Variants in ZNF652 observed in about 807,000 individuals in gnomAD.
ZNF652 encodes zinc finger protein 652.
Under a neutral mutation model 45.2 loss-of-function variants are expected in ZNF652, and 16 were observed. The observed-to-expected ratio is 0.35, with a 90% CI of 0.24 to 0.54. The LOEUF is 0.54. ZNF652 is among the 20% of genes least tolerant of loss of function. The pLI is 0.91. For synonymous variants in ZNF652, 250 were observed against 260.6 expected, an observed-to-expected ratio of 0.96 and a Z score of 0.39; for missense variants, 614 against 765.6, an observed-to-expected ratio of 0.80 and a Z score of 2.34.
rs2069388663 is a variant in ZNF652, at chr17:49,290,368, C to T, written c.*8045G>A. 6.6e-6 allele frequency: 1 copy of T among 151,962 alleles called. No individual in the cohort carries two copies. Among genetic ancestry groups the T allele is most frequent in the Admixed American group, 6.6e-5 (1 of 15,256 alleles). The allele number at this position is 151,962 out of a possible 1,614,324, so 9.4% of individuals were successfully genotyped here. ...ATGACCACGGATAGGAGCCCTTAGA[C>T]AAGTAACTGACAGAGAGGGAGCACA... On this transcript the variant is annotated 3_prime_UTR_variant, in exon 6 of 6. Coordinates refer to ENST00000430262, the MANE Select transcript of ZNF652 (RefSeq NM_001145365.3).
intron 1 of ZNF652, among the ~76,000 whole-genome samples, chr17:49,336,949 T>G (rs1362363488): frequency 8.4e-6 from 1 of 118,860 alleles, no homozygotes; most frequent in Non-Finnish European, 1.9e-5. Flanking sequence ...GGTGTTTTTT[T>G]TTTTTTTTTT....
chr17:49,323,842 T>C (rs1184987578), intron 1 of ZNF652, among the ~76,000 whole-genome samples: 1 of 152,228 alleles, frequency 6.6e-6, no homozygotes, highest in African/African-American at 2.4e-5. Context: ...TAAACCACGC[T>C]ATAAACAGAT....
Position 49,289,928 on chromosome 17 carries a change from C to G in ZNF652, c.*8485G>C, listed in dbSNP as rs147138179. ...CAAATATTCAACATTCAACAACAAG[C>G]TTTGTAAACCTAACGCTAAACAAGT... On this transcript the variant is annotated 3_prime_UTR_variant, in exon 6 of 6. Transcript: ENST00000430262. 3.9e-5 allele frequency: 6 copies of G among 152,356 alleles called. No homozygotes were observed. The highest frequency in any genetic ancestry group is 1.4e-4 in the African/African-American group (6 of 41,576). The allele number at this position is 152,356 out of a possible 1,614,324, so 9.4% of individuals were successfully genotyped here.
intron 3 of ZNF652, 149 bp downstream of exon 3, chr17:49,312,549 G>T: frequency 2.7e-6 from 2 of 748,924 alleles, no homozygotes; most frequent in Non-Finnish European, 4.2e-6. Flanking sequence ...CATCCAATTT[G>T]GTGATACTTA....
chr17:49,329,771 A>C (rs1476326253), intron 1 of ZNF652, among the ~76,000 whole-genome samples: 1 of 152,226 alleles, frequency 6.6e-6, no homozygotes, highest in Non-Finnish European at 1.5e-5. Context: ...ACAATATGCA[A>C]GTGCAACTAG....
At chr17:49,314,364 G>T (rs1157799757) in intron 2 of ZNF652, among the ~76,000 whole-genome samples, 1 of 152,038 alleles carries the variant, frequency 6.6e-6, no homozygotes, top group Non-Finnish European at 1.5e-5. Context: ...GTTTCACTAT[G>T]TTGGCCAGGC....
At chr17:49,320,781 A>C (rs1406979100) in intron 1 of ZNF652, among the ~76,000 whole-genome samples, 3 of 152,258 alleles carry the variant, frequency 2.0e-5, no homozygotes, top group Non-Finnish European at 4.4e-5. Context: ...TCAGAAAGTC[A>C]AAGAAAAGAA....
chr17:49,361,556 G>C (rs1459291100), intron 1 of ZNF652, among the ~76,000 whole-genome samples: 1 of 152,210 alleles, frequency 6.6e-6, no homozygotes, highest in African/African-American at 2.4e-5. Context: ...GCTCGCAGGA[G>C]GACCGGTGCA....
intron 1 of ZNF652, among the ~76,000 whole-genome samples, chr17:49,352,007 C>A (rs2070287938): frequency 6.6e-6 from 1 of 152,034 alleles, no homozygotes. Context: ...AACAAAAAAA[C>A]AAACAAAAAG....
At chr17:49,288,207 A>T (rs2069361717), downstream of ZNF652, 1 of 152,114 alleles carries the variant, frequency 6.6e-6, no homozygotes, top group Non-Finnish European at 1.5e-5. Context: ...ATTTCTTGCT[A>T]TGGGGTCATG....
At chr17:49,333,545 TAAAAAAA>T (rs1182199037) in intron 1 of ZNF652, among the ~76,000 whole-genome samples, 6 of 48,108 alleles carry the variant, frequency 1.2e-4, no homozygotes, top group South Asian at 6.1e-4. Context: ...CTGTCTCTAC[TAAAAAAA>T]AAAAAAAAAA....
chr17:49,307,317 G>T (rs1053016353), intron 5 of ZNF652, among the ~76,000 whole-genome samples: 2 of 150,964 alleles, frequency 1.3e-5, no homozygotes, highest in Non-Finnish European at 2.9e-5. Context: ...TGTAATCCCA[G>T]CTACTTGAGA....
At position 49,330,667 on chromosome 17, in the gene ZNF652, A is replaced by G. The variant is rs75464027; in HGVS notation, c.-258-12684T>C. On this transcript the variant is annotated intron_variant, in intron 1 of 5. Transcript: ENST00000430262. Reference sequence around the variant, plus strand: ...AGCCACCACACCTGGCCAAAATACAATTAATAAATGGAGTAGTCCATTTTT... The same window carrying G: ...AGCCACCACACCTGGCCAAAATACAGTTAATAAATGGAGTAGTCCATTTTT... Among the ~76,000 whole-genome samples, 821 of 152,150 alleles carry G rather than the reference A, an allele frequency of 5.4e-3. 10 individuals carry two copies. The highest frequency in any genetic ancestry group is 0.019 in the African/African-American group (789 of 41,512).
intron 1 of ZNF652, among the ~76,000 whole-genome samples, chr17:49,357,194 G>A (rs1355768379): frequency 6.6e-6 from 1 of 152,018 alleles, no homozygotes; most frequent in African/African-American, 2.4e-5. Context: ...AGCTACTTGG[G>A]AGGCTGAGGC....
At chr17:49,305,876 C>T (rs1465720973) in intron 5 of ZNF652, among the ~76,000 whole-genome samples, 1 of 152,194 alleles carries the variant, frequency 6.6e-6, no homozygotes, top group Admixed American at 6.5e-5. Context: ...TCTTTAACTG[C>T]AAAGAAACAG....
At chr17:49,304,907 T>C (rs2069607890) in intron 5 of ZNF652, among the ~76,000 whole-genome samples, 1 of 143,746 alleles carries the variant, frequency 7.0e-6, no homozygotes, top group Non-Finnish European at 1.5e-5. Context: ...CACACACACA[T>C]ACATATATAC....
chr17:49,316,691 A>G (rs890587239), intron 2 of ZNF652, 135 bp downstream of exon 2: 2 of 957,120 alleles, frequency 2.1e-6, no homozygotes, highest in East Asian at 2.6e-5. Flanking sequence ...CCAAAGCAGG[A>G]GCTTTTCAAA....
intron 1 of ZNF652, among the ~76,000 whole-genome samples, chr17:49,327,730 AATATATATATATATAT>A (rs68056731): frequency 1.5e-4 from 9 of 61,424 alleles, no homozygotes; most frequent in East Asian, 9.8e-4. Flanking sequence ...TAAATAAATA[AATATATATATATATAT>A]ATATATATAT....
Position 49,317,716 on chromosome 17 carries a change from T to G in ZNF652, c.10A>C (p.Thr4Pro). ...ACCAGCTCCTGACAAGAACTGGCTGTGTGGCTCATTGGTAAGTGGCCCAAT... is the reference window on the plus strand; with the variant it reads ...ACCAGCTCCTGACAAGAACTGGCTGGGTGGCTCATTGGTAAGTGGCCCAAT... MSH[T>P]ASSCQELVEN... Residue 4 changes from threonine to proline, a missense_variant, in exon 2 of 6, where the codon ACA (threonine) becomes CCA (proline). Physicochemically the swap from Thr to Pro is conservative, Grantham distance 38 (BLOSUM62 -1). Around this residue, in one of 5 missense-constraint regions of ZNF652, gnomAD observed 133 missense variants for 132.2 expected, o/e 1.01. Transcript: ENST00000430262. 6.3e-7 allele frequency: 1 copy of G among 1,584,414 alleles called. No homozygotes were observed. The highest frequency in any genetic ancestry group is 8.6e-7 in the Non-Finnish European group (1 of 1,160,476).
Sources: allele counts gnomAD v4.1 joint callset (sites outside exome capture counted in the v4.1 genomes callset), GRCh38; gene constraint gnomAD v4.1.1; regional missense constraint gnomAD v4.1.1; transcripts MANE v1.5; gene names NCBI Gene and HGNC (gene_info 2026-07-23, HGNC 2026-07-21).